Variants in FXYD7 observed in about 807,000 individuals in gnomAD.
FXYD7 encodes the protein FXYD domain-containing ion transport regulator 7.
FXYD7 carries 7 observed loss-of-function variants against 15.3 expected under a neutral mutation model. That is an observed-to-expected ratio of 0.46 (90% CI 0.26 to 0.86). The LOEUF (loss-of-function observed/expected upper bound fraction) is 0.86, where lower values mean the gene tolerates loss of function less well. FXYD7 is among the 40% of genes least tolerant of loss of function. The pLI is 0.16. For synonymous variants in FXYD7, 39 were observed against 39.3 expected (o/e 0.99, Z 0.03); for missense variants, 78 against 100.6 (o/e 0.78, Z 0.96).
At chr19:35,153,775 TG>T in intron 5 of FXYD7, 118 bp from the exon 6 acceptor site, 1 of 884,190 alleles carries the variant, frequency 1.1e-6, no homozygotes, top group Non-Finnish European at 1.9e-6. Flanking sequence ...GTGTTAGCTC[TG>T]GGGTGACAGT....
At chr19:35,145,360 G>A (rs1000958259) in intron 1 of FXYD7, among the ~76,000 whole-genome samples, 20 of 152,206 alleles carry the variant, frequency 1.3e-4, no homozygotes, top group Admixed American at 6.5e-4. Flanking sequence ...GGGGCAGCAG[G>A]GACCAGAGGA....
chr19:35,151,549 C>G, intron 4 of FXYD7, 67 bp downstream of exon 4: 3 of 1,589,164 alleles, frequency 1.9e-6, no homozygotes, highest in South Asian at 2.2e-5. Flanking sequence ...TGGGCAGGAT[C>G]CACTGGGCCT....
chr19:35,151,237 C>T lies in FXYD7; in HGVS notation c.62-17C>T. The T allele has an allele frequency of 6.5e-7, 1 of 1,541,648 alleles. No individual in the cohort carries two copies. The highest frequency in any genetic ancestry group is 9.0e-7 in the Non-Finnish European group (1 of 1,113,994). ...AGGTGCTGTCCCTGCCTCGATGTCCCCCATTATCTTCCCCAGACTACAACA... is the reference window on the plus strand; with the variant it reads ...AGGTGCTGTCCCTGCCTCGATGTCCTCCATTATCTTCCCCAGACTACAACA... On this transcript the variant is annotated splice_polypyrimidine_tract_variant and intron_variant, in intron 2 of 5. Coordinates refer to ENST00000270310, the MANE Select transcript of FXYD7 (RefSeq NM_022006.2).
At chr19:35,151,556 G>A in intron 4 of FXYD7, 74 bp downstream of exon 4, 1 of 1,570,746 alleles carries the variant, frequency 6.4e-7, no homozygotes, top group South Asian at 1.1e-5. Context: ...GATCCACTGG[G>A]CCTGCCATGC....
At chr19:35,149,497 A>C (rs2065302187) in intron 2 of FXYD7, 1 of 168,860 alleles carries the variant, frequency 5.9e-6, no homozygotes, top group Admixed American at 5.5e-5. Context: ...GTGTCGCATG[A>C]CTTGTTTTTG....
intron 4 of FXYD7, 21 bp downstream of exon 4, chr19:35,151,503 G>C: frequency 6.2e-7 from 1 of 1,613,760 alleles, no homozygotes; most frequent in Non-Finnish European, 8.5e-7. Flanking sequence ...AGTGGGCAAA[G>C]AGCGGGAGGG....
chr19:35,144,590 A>G (rs1324919879), intron 1 of FXYD7, among the ~76,000 whole-genome samples: 1 of 142,838 alleles, frequency 7.0e-6, no homozygotes, highest in Non-Finnish European at 1.5e-5. Context: ...CGCGCTTCCC[A>G]GCAGGCGGGG....
At chr19:35,147,394 T>C (rs1480442354) in intron 1 of FXYD7, among the ~76,000 whole-genome samples, 1 of 152,086 alleles carries the variant, frequency 6.6e-6, no homozygotes, top group African/African-American at 2.4e-5. Context: ...AGGCCAAATA[T>C]AATAAGAACT....
At chr19:35,147,124 G>T (rs1384852645) in intron 1 of FXYD7, among the ~76,000 whole-genome samples, 1 of 152,222 alleles carries the variant, frequency 6.6e-6, no homozygotes, top group African/African-American at 2.4e-5. Context: ...AGGCCACCAG[G>T]CTAGAAGTGA....
At chr19:35,153,033 C>CTTTTTTTTTTTTTTTTTTTTTTTTTT (rs954084904) in intron 5 of FXYD7, among the ~76,000 whole-genome samples, 1 of 44,142 alleles carries the variant, frequency 2.3e-5, no homozygotes, top group Non-Finnish European at 3.9e-5. Context: ...TTTCACGTTC[C>CTTTTTTTTTTTTTTTTTTTTTTTTTT]TTTTTTTTTT....
intron 1 of FXYD7, among the ~76,000 whole-genome samples, chr19:35,147,587 G>A (rs2065292876): frequency 6.6e-6 from 1 of 152,132 alleles, no homozygotes; most frequent in South Asian, 2.1e-4. Context: ...TCTTCTAATG[G>A]ATGGGGACAT....
At chr19:35,147,997 AAAG>A (rs1336458448) in intron 1 of FXYD7, among the ~76,000 whole-genome samples, 2 of 148,052 alleles carry the variant, frequency 1.4e-5, no homozygotes, top group Non-Finnish European at 3.0e-5. Context: ...TGTCTCAAAA[AAAG>A]AAAGAAGGAA....
In FXYD7 at chr19:35,154,212, C is replaced by T; in HGVS notation, c.*296C>T. On this transcript the variant is annotated 3_prime_UTR_variant, in exon 6 of 6. Coordinates refer to ENST00000270310, the MANE Select transcript of FXYD7 (RefSeq NM_022006.2). ...CATCCCCGTGTATGGCCCCCCTGCA[C>T]CTCCTTGTCTCATCCCCGAAGATCC... is the stretch of plus-strand genomic sequence containing the variant. The T allele has an allele frequency of 1.9e-6, 1 of 526,244 alleles. No homozygotes were observed. The highest frequency in any genetic ancestry group is 2.4e-5 in the South Asian group (1 of 40,848). 32.6% of individuals were successfully genotyped at this position (526,244 alleles called of 1,614,324 possible).
rs954084904 is a variant in FXYD7 at position 35,153,033 on chromosome 19, C to CTTTTTTTTTTTTTTTTTTT, written c.221-850_221-832dup. Among the ~76,000 whole-genome samples, 25 of 44,138 alleles carry CTTTTTTTTTTTTTTTTTTT rather than the reference C, an allele frequency of 5.7e-4. 5 individuals carry two copies. Among genetic ancestry groups the CTTTTTTTTTTTTTTTTTTT allele is most frequent in the South Asian group, 9.0e-4 (1 of 1,112 alleles). The allele number at this position is 44,138 out of a possible 152,430, so 29.0% of individuals were successfully genotyped here. ...TTGGTGTGGAATTTGTTTCACGTTC[C>CTTTTTTTTTTTTTTTTTTT]TTTTTTTTTTTTTTTTTTTTTTTTT... On this transcript the variant is annotated intron_variant, in intron 5 of 5. Transcript: ENST00000270310.
intron 2 of FXYD7, among the ~76,000 whole-genome samples, chr19:35,150,191 A>G (rs1407951740): frequency 6.6e-6 from 1 of 152,190 alleles, no homozygotes; most frequent in African/African-American, 2.4e-5. Context: ...TGCTGAGATT[A>G]CAGGCTCATT....
intron 4 of FXYD7, 69 bp downstream of exon 4, chr19:35,151,551 A>C: frequency 1.3e-6 from 2 of 1,574,544 alleles, no homozygotes; most frequent in East Asian, 4.5e-5. Context: ...GGCAGGATCC[A>C]CTGGGCCTGC....
Position 35,151,455 on chromosome 19 carries a change from G to T in FXYD7, c.152G>T (p.Cys51Phe), listed in dbSNP as rs1351265615. Reference protein sequence around the residue: ...ILIVISKKVKCRKADSRSESP... With the variant: ...ILIVISKKVKFRKADSRSESP... ...CTCCCAACAGGCAAGAAGGTGAAGT[G>T]CAGGAAGGCGGACTCCAGGTCTGAG... The change falls in exon 4 of 6, where the codon TGC becomes TTC. Residue 51 changes from cysteine (C) to phenylalanine (F), a missense_variant. Coordinates refer to ENST00000270310, the MANE Select transcript of FXYD7 (RefSeq NM_022006.2). The T allele has an allele frequency of 3.1e-6, 5 of 1,614,078 alleles. No individual in the cohort carries two copies. The highest frequency in any genetic ancestry group is 2.7e-5 in the African/African-American group (2 of 74,926).
At chr19:35,153,414 G>A (rs768065356) in intron 5 of FXYD7, among the ~76,000 whole-genome samples, 1 of 152,186 alleles carries the variant, frequency 6.6e-6, no homozygotes, top group Non-Finnish European at 1.5e-5. Flanking sequence ...TTATGGATGC[G>A]TGGGGCAGCA....
chr19:35,152,898 C>G (rs974716929), intron 5 of FXYD7, among the ~76,000 whole-genome samples: 8 of 119,938 alleles, frequency 6.7e-5, no homozygotes, highest in African/African-American at 2.4e-4. Context: ...TGTAAAAGAA[C>G]AGAAATGGGA....
Sources: allele counts gnomAD v4.1 joint callset (sites outside exome capture counted in the v4.1 genomes callset), GRCh38; gene constraint gnomAD v4.1.1; transcripts MANE v1.5; gene names NCBI Gene and HGNC (gene_info 2026-07-23, HGNC 2026-07-21).